Variants in MX2 observed in about 807,000 individuals in gnomAD.
MX2 encodes MX dynamin like GTPase 2, also known as interferon-induced GTP-binding protein Mx2.
A neutral mutation model predicts 74.0 loss-of-function variants in MX2; 51 were observed. The observed-to-expected ratio is 0.69, with a 90% CI of 0.55 to 0.87. MX2 has a LOEUF of 0.87. Among genes scored for constraint, MX2 ranks in the 40% least tolerant of loss-of-function variants. The probability of loss-of-function intolerance (pLI) is 0.00; values close to 1 mark genes in which losing one functional copy is unlikely to be tolerated. For missense variants in MX2, 832 were observed against 908.7 expected (o/e 0.92, Z 1.09); for synonymous variants, 369 against 339.3 (o/e 1.09, Z -0.96).
chr21:41,396,636 C>T (rs984376940), intron 7 of MX2, among the ~76,000 whole-genome samples: 2 of 152,194 alleles, frequency 1.3e-5, no homozygotes, highest in Admixed American at 1.3e-4. Context: ...ACACGACATA[C>T]ACAAAGGTCT....
chr21:41,379,947 C>T (rs2089465356), intron 3 of MX2, 70 bp from the exon 4 acceptor site: 1 of 1,582,008 alleles, frequency 6.3e-7, no homozygotes, highest in Non-Finnish European at 8.6e-7. Flanking sequence ...AGGGCAGGTT[C>T]TGGGAGCGAA....
chr21:41,395,858 C>T (rs74688837), intron 7 of MX2, 73 bp downstream of exon 7: 42,694 of 1,485,222 alleles, frequency 0.029, 765 homozygotes, highest in Non-Finnish European at 0.032. Flanking sequence ...TGGCCCAGAT[C>T]ATGACCAAAG....
At chr21:41,379,819 G>T (rs1290287101) in intron 3 of MX2, among the ~76,000 whole-genome samples, 198 bp from the exon 4 acceptor site, 1 of 152,232 alleles carries the variant, frequency 6.6e-6, no homozygotes, top group Non-Finnish European at 1.5e-5. Flanking sequence ...CACTTCCCAA[G>T]GATAGCAGCA....
intron 1 of MX2, chr21:41,365,262 T>C (rs2089255508): frequency 6.6e-6 from 1 of 152,378 alleles, no homozygotes; most frequent in African/African-American, 2.4e-5. Flanking sequence ...CAGGGGTCCA[T>C]GTGCAGGTTT....
intron 1 of MX2, among the ~76,000 whole-genome samples, chr21:41,375,618 C>G (rs561863650): frequency 1.3e-5 from 2 of 152,326 alleles, no homozygotes; most frequent in East Asian, 3.9e-4. Flanking sequence ...GTCTCCAGGT[C>G]CCAAATCTCC....
chr21:41,375,454 G>T (rs557169131), intron 1 of MX2, among the ~76,000 whole-genome samples: 4 of 152,368 alleles, frequency 2.6e-5, no homozygotes, highest in Admixed American at 2.0e-4. Context: ...CCAGATCAAG[G>T]TGTCGGCAGA....
At chr21:41,403,470 C>T (rs1236982933) in intron 12 of MX2, 127 bp downstream of exon 12, 5 of 903,476 alleles carry the variant, frequency 5.5e-6, no homozygotes, top group Non-Finnish European at 7.3e-6. Context: ...GCGAGGCTGG[C>T]AGGGCTGGCG....
In MX2 at chr21:41,398,971, G is replaced by T. The variant is rs769118494; in HGVS notation, c.1224G>T (p.Gly408=). The T allele has an allele frequency of 3.7e-6, 6 of 1,614,024 alleles. 1 individual carries two copies. The East Asian group carries it at 8.9e-5, about 24-fold the overall frequency. Residue 408 remains glycine (G), a synonymous_variant, in exon 9 of 14, where the codon GGG becomes GGT. Transcript: ENST00000330714. ...QKATEELRRC[G]ADIPSQEADK... The stretch of plus-strand genomic sequence containing the variant: ...CGACCGAGGAGCTGCGGCGTTGCGG[G>T]GCTGACATCCCCAGCCAGGAGGCCG...
At chr21:41,383,485 GC>G (rs1163456487) in intron 5 of MX2, among the ~76,000 whole-genome samples, 1 of 152,240 alleles carries the variant, frequency 6.6e-6, no homozygotes, top group Non-Finnish European at 1.5e-5. Flanking sequence ...CCCCGGACCA[GC>G]CCTGTCATGC....
Position 41,387,551 on chromosome 21 carries a change from T to C in MX2, c.733-3014T>C, listed in dbSNP as rs1309628145. ...ACCCTGGTTCTTTCTCTCCCTCCTG[T>C]TGGTCTCTCCTTAAGTGAATTGTTC... On this transcript the variant is annotated intron_variant, in intron 5 of 13. Coordinates refer to ENST00000330714, the MANE Select transcript of MX2 (RefSeq NM_002463.2). Among the ~76,000 whole-genome samples, 4 of 152,328 alleles carry C rather than the reference T, an allele frequency of 2.6e-5. No homozygotes were observed. The East Asian group carries it at 7.7e-4, about 29-fold the overall frequency.
chr21:41,399,510 G>A (rs1362555685), intron 10 of MX2, 173 bp downstream of exon 10: 6 of 613,570 alleles, frequency 9.8e-6, no homozygotes, highest in East Asian at 2.9e-5. Flanking sequence ...ATGGGGCATC[G>A]ACCTCAGCAA....
chr21:41,403,678 A>G, intron 12 of MX2: 1 of 537,320 alleles, frequency 1.9e-6, no homozygotes, highest in Non-Finnish European at 3.7e-6. Context: ...AGCATTGTTT[A>G]CTAGTCCTAC....
At chr21:41,378,120 C>G in intron 3 of MX2, 139 bp downstream of exon 3, 1 of 1,117,792 alleles carries the variant, frequency 8.9e-7, no homozygotes, top group Middle Eastern at 3.0e-4. Context: ...GGAGAGAGGC[C>G]GCTGAGAGAG....
intron 1 of MX2, chr21:41,370,602 A>G (rs371453): frequency 0.79 from 120,160 of 152,244 alleles, 47,719 homozygotes; most frequent in East Asian, 0.99. Context: ...ACAGTATTTC[A>G]TGAGCGGAGA....
At chr21:41,395,448 G>A in intron 6 of MX2, 139 bp from the exon 7 acceptor site, 1 of 675,218 alleles carries the variant, frequency 1.5e-6, no homozygotes, top group Non-Finnish European at 2.6e-6. Context: ...ATGAGGGAAT[G>A]AGGATGGAAT....
At position 41,399,276 on chromosome 21, in the gene MX2, CA is replaced by C; in HGVS notation, c.1355del (p.Asn452ThrfsTer11). ...VVRENETRLY[N>X]KIREDFKNWV... Reference sequence around the variant, plus strand: ...TAAGGGAGAATGAGACCCGTTTATACAACAAAATCAGAGAGGATTTTAAAAA... The same window carrying C: ...TAAGGGAGAATGAGACCCGTTTATACACAAAATCAGAGAGGATTTTAAAAA... On this transcript the variant is annotated frameshift_variant, in exon 10 of 14. Transcript: ENST00000330714. LOFTEE classifies it high-confidence loss of function. 2.5e-6 allele frequency: 4 copies of C among 1,613,904 alleles called. No individual in the cohort carries two copies. Among genetic ancestry groups the C allele is most frequent in the Non-Finnish European group, 3.4e-6 (4 of 1,179,790 alleles).
At chr21:41,396,667 T>G (rs2089740435) in intron 7 of MX2, among the ~76,000 whole-genome samples, 1 of 152,130 alleles carries the variant, frequency 6.6e-6, no homozygotes, top group Non-Finnish European at 1.5e-5. Context: ...CAGCCAGCAC[T>G]CAGTAAACAC....
At position 41,376,824 on chromosome 21, in the gene MX2, G is replaced by A; in HGVS notation, c.-71-12G>A. 6.4e-7 allele frequency: 1 copy of A among 1,570,604 alleles called. No individual in the cohort carries two copies. Among genetic ancestry groups the A allele is most frequent in the South Asian group, 1.2e-5 (1 of 83,596 alleles). ...TGACCTGTGGGCCGCTCTCCCTCTTGTGTCTTTGCAGAGCTTGTCAGGAAG... is the reference window on the plus strand; with the variant it reads ...TGACCTGTGGGCCGCTCTCCCTCTTATGTCTTTGCAGAGCTTGTCAGGAAG... On this transcript the variant is annotated splice_polypyrimidine_tract_variant and intron_variant, in intron 1 of 13. Coordinates refer to ENST00000330714, the MANE Select transcript of MX2 (RefSeq NM_002463.2).
At chr21:41,377,228 A>AC in intron 2 of MX2, 73 bp downstream of exon 2, 1 of 1,575,142 alleles carries the variant, frequency 6.3e-7, no homozygotes, top group African/African-American at 1.3e-5. Context: ...ATGTAAGCCC[A>AC]CCACAATAAT....
Sources: gnomAD v4.1 joint callset for allele counts (sites outside exome capture counted in the v4.1 genomes callset) on GRCh38, gnomAD v4.1.1 for gene constraint, MANE v1.5 for transcripts, NCBI Gene and HGNC (gene_info 2026-07-23, HGNC 2026-07-21) for gene names.